STAG1: variants seen among roughly 807,000 people sequenced by gnomAD.
STAG1 encodes the protein STAG1 cohesin complex component.
A neutral mutation model predicts 170.9 loss-of-function variants in STAG1; 26 were observed. The ratio of observed to expected loss-of-function variants is 0.15; its 90% CI spans 0.11 to 0.21. The LOEUF (loss-of-function observed/expected upper bound fraction) is 0.21. Ranked by LOEUF, STAG1 falls within the 10% of genes least tolerant of loss-of-function variation. The pLI is 1.00. For synonymous variants in STAG1, 514 were observed against 497.7 expected (o/e 1.03, Z -0.44); for missense variants, 964 against 1,509.5 (o/e 0.64, Z 5.99).
intron 1 of STAG1, among the ~76,000 whole-genome samples, chr3:136,743,403 T>C (rs1241402006): frequency 6.6e-6 from 1 of 151,116 alleles, no homozygotes; most frequent in Non-Finnish European, 1.5e-5. Flanking sequence ...TACCAGAAAT[T>C]AAAGAAGAGA....
At chr3:136,413,546 C>A (rs2087688886) in intron 21 of STAG1, among the ~76,000 whole-genome samples, 1 of 151,926 alleles carries the variant, frequency 6.6e-6, no homozygotes, top group East Asian at 1.9e-4. Flanking sequence ...GCAACCTCTG[C>A]CTCCCAGGTG....
chr3:136,464,371 C>T (rs986606790), intron 13 of STAG1, among the ~76,000 whole-genome samples: 1 of 151,082 alleles, frequency 6.6e-6, no homozygotes, highest in African/African-American at 2.4e-5. Context: ...TGTGGTGAGT[C>T]GAGACTGCAC....
intron 5 of STAG1, among the ~76,000 whole-genome samples, chr3:136,565,047 AGGGAG>A: frequency 1.5e-4 from 1 of 6,698 alleles, no homozygotes; most frequent in Non-Finnish European, 2.7e-4. Context: ...GGCAGAAGGG[AGGGAG>A]GGAGGGAGGG....
chr3:136,537,826 T>A (rs1935712850), intron 6 of STAG1, among the ~76,000 whole-genome samples: 1 of 151,948 alleles, frequency 6.6e-6, no homozygotes, highest in Non-Finnish European at 1.5e-5. Context: ...CCTGGCAAAA[T>A]GGAAAGGCAC....
chr3:136,542,237 T>G, intron 5 of STAG1, 42 bp from the exon 6 acceptor site: 1 of 1,421,842 alleles, frequency 7.0e-7, no homozygotes, highest in Non-Finnish European at 9.8e-7. Flanking sequence ...CAATTAATCT[T>G]TCAGATCAAT....
At chr3:136,560,201 T>C (rs1328750665) in intron 5 of STAG1, among the ~76,000 whole-genome samples, 2 of 152,170 alleles carry the variant, frequency 1.3e-5, no homozygotes, top group African/African-American at 2.4e-5. Context: ...CAGAGCAAAA[T>C]AGAAACATTC....
chr3:136,690,056 C>CAAAAAAAAAAAAAAAAAAAAAAAA (rs57082567), intron 1 of STAG1, among the ~76,000 whole-genome samples: 6 of 56,362 alleles, frequency 1.1e-4, no homozygotes, highest in Admixed American at 2.1e-4. Flanking sequence ...AAAAGCAAAC[C>CAAAAAAAAAAAAAAAAAAAAAAAA]AAAAAAAAAA....
At chr3:136,362,585 A>G (rs1173789689) in intron 26 of STAG1, among the ~76,000 whole-genome samples, 1 of 145,618 alleles carries the variant, frequency 6.9e-6, no homozygotes, top group Non-Finnish European at 1.5e-5. Context: ...CCTGGCCAAC[A>G]TGGTGAAACA....
At chr3:136,749,640 C>T (rs886744857) in intron 1 of STAG1, among the ~76,000 whole-genome samples, 5 of 150,848 alleles carry the variant, frequency 3.3e-5, no homozygotes, top group South Asian at 4.2e-4. Flanking sequence ...CAGCTACTTG[C>T]GAGGCTGAGG....
intron 3 of STAG1, among the ~76,000 whole-genome samples, chr3:136,619,931 C>T (rs890211065): frequency 1.3e-5 from 2 of 151,718 alleles, no homozygotes; most frequent in African/African-American, 4.8e-5. Context: ...TGCGTGGTGG[C>T]GTGCGTCTGT....
intron 1 of STAG1, among the ~76,000 whole-genome samples, chr3:136,713,749 G>A (rs997722271): frequency 3.3e-5 from 5 of 151,736 alleles, no homozygotes; most frequent in African/African-American, 1.2e-4. Flanking sequence ...TTGGCTGGGC[G>A]CTGTGGCTCA....
At chr3:136,721,189 GATA>G (rs1933239904) in intron 1 of STAG1, among the ~76,000 whole-genome samples, 1 of 152,050 alleles carries the variant, frequency 6.6e-6, no homozygotes, top group Admixed American at 6.6e-5. Flanking sequence ...CTTCAAAAAA[GATA>G]ATAAGCTTAC....
intron 14 of STAG1, among the ~76,000 whole-genome samples, chr3:136,451,486 G>C (rs1428779547): frequency 5.9e-5 from 9 of 152,156 alleles, no homozygotes; most frequent in Non-Finnish European, 8.8e-5. Flanking sequence ...TATGCAGGCT[G>C]GGCATGGTGG....
chr3:136,372,221 C>T (rs375509011), intron 23 of STAG1, among the ~76,000 whole-genome samples: 8 of 152,310 alleles, frequency 5.3e-5, no homozygotes, highest in South Asian at 2.1e-4. Context: ...TTTGCTGAAG[C>T]TGCTTATCAG....
At chr3:136,564,955 A>G (rs375670455) in intron 5 of STAG1, among the ~76,000 whole-genome samples, 1 of 139,972 alleles carries the variant, frequency 7.1e-6, no homozygotes, top group East Asian at 2.1e-4. Context: ...TAAATTTGAC[A>G]TGTGTATGAG....
Position 136,457,968 on chromosome 3 carries a change from C to T in STAG1, c.1314-5821G>A, listed in dbSNP as rs187817740. On this transcript the variant is annotated intron_variant, in intron 13 of 33. Transcript: ENST00000383202. ...AAACAAACAAACAAACAAAAAAACC[C>T]CAAAACAAACTGCAACAATTGCTGA... is the stretch of plus-strand genomic sequence containing the variant. Among the ~76,000 whole-genome samples, 61 of 151,946 alleles carry T rather than the reference C, an allele frequency of 4.0e-4. 1 individual carries two copies. Among genetic ancestry groups the T allele is most frequent in the African/African-American group, 1.4e-3 (60 of 41,456 alleles).
chr3:136,463,112 A>C (rs2107794839), intron 13 of STAG1, among the ~76,000 whole-genome samples: 1 of 152,320 alleles, frequency 6.6e-6, no homozygotes, highest in East Asian at 1.9e-4. Flanking sequence ...TAAATATAAA[A>C]TCAGCATTAT....
At chr3:136,542,669 TAAA>T (rs55825292) in intron 5 of STAG1, among the ~76,000 whole-genome samples, 8 of 113,088 alleles carry the variant, frequency 7.1e-5, no homozygotes, top group Admixed American at 1.6e-4. Context: ...CTGTTTGTAA[TAAA>T]AAAAAAAAAA....
At position 136,363,357 on chromosome 3, in the gene STAG1, A is replaced by T; in HGVS notation, c.2787+9T>A. 6.7e-7 allele frequency: 1 copy of T among 1,488,480 alleles called. No homozygotes were observed. Among genetic ancestry groups the T allele is most frequent in the South Asian group, 1.2e-5 (1 of 86,264 alleles). The allele number at this position is 1,488,480 out of a possible 1,614,324, so 92.2% of individuals were successfully genotyped here. A position where few individuals can be genotyped will look rare whatever the true frequency, so the allele number is the denominator to read the frequency against. ...CCATTCTTTGTCTCCCTCTCTCCAA[A>T]TTTCTTACCTGTTGCAAACTGAGAA... On this transcript the variant is annotated intron_variant, in intron 26 of 33. Coordinates refer to ENST00000383202, the MANE Select transcript of STAG1 (RefSeq NM_005862.3).
Sources: gnomAD v4.1 joint callset for allele counts (sites outside exome capture counted in the v4.1 genomes callset) on GRCh38, gnomAD v4.1.1 for gene constraint, MANE v1.5 for transcripts, NCBI Gene and HGNC (gene_info 2026-07-23, HGNC 2026-07-21) for gene names.